Variants in SH3GL3 observed in about 807,000 individuals in gnomAD.
SH3GL3 encodes SH3 domain containing GRB2 like 3, endophilin A3.
Under a neutral mutation model 47.7 loss-of-function variants are expected in SH3GL3, and 33 were observed. The ratio of observed to expected loss-of-function variants is 0.69; its 90% CI spans 0.52 to 0.92. SH3GL3 has a LOEUF of 0.92. Ranked by LOEUF, SH3GL3 falls within the 40% of genes least tolerant of loss-of-function variation. SH3GL3 has a pLI of 0.00. For synonymous variants in SH3GL3, 155 were observed against 148.8 expected (o/e 1.04, Z -0.30); for missense variants, 363 against 417.8 (o/e 0.87, Z 1.14).
chr15:83,611,171 G>A (rs182891403), intron 8 of SH3GL3, among the ~76,000 whole-genome samples: 18 of 151,918 alleles, frequency 1.2e-4, no homozygotes, highest in East Asian at 1.9e-4. Context: ...CAGGGGGGAC[G>A]TGGTTTTCCT....
chr15:83,458,250 A>T (rs2040094900), intron 1 of SH3GL3, among the ~76,000 whole-genome samples: 1 of 152,172 alleles, frequency 6.6e-6, no homozygotes, highest in African/African-American at 2.4e-5. Context: ...TATTGATGAG[A>T]TCAGGGAGGC....
downstream of SH3GL3, among the ~76,000 whole-genome samples, chr15:83,620,722 C>G (rs1555425018): frequency 2.0e-5 from 3 of 152,194 alleles, no homozygotes; most frequent in Non-Finnish European, 4.4e-5. Context: ...TTGGAATGGT[C>G]AGTGCGCATT....
chr15:83,490,163 G>C (rs1266919207), intron 1 of SH3GL3, among the ~76,000 whole-genome samples: 1 of 152,134 alleles, frequency 6.6e-6, no homozygotes, highest in African/African-American at 2.4e-5. Flanking sequence ...GGGCCCCTTA[G>C]GGGTCTCCGC....
intron 1 of SH3GL3, among the ~76,000 whole-genome samples, chr15:83,486,999 C>G (rs2041626660): frequency 6.6e-6 from 1 of 152,166 alleles, no homozygotes; most frequent in African/African-American, 2.4e-5. Flanking sequence ...ATAACCTCCC[C>G]AAAGCCCTGC....
chr15:83,585,384 G>T (rs1388226052), intron 6 of SH3GL3, among the ~76,000 whole-genome samples: 2 of 152,030 alleles, frequency 1.3e-5, no homozygotes, highest in Non-Finnish European at 2.9e-5. Context: ...TATGTTTCAA[G>T]AAATATTAAT....
chr15:83,495,645 G>A (rs2151592539), intron 1 of SH3GL3, among the ~76,000 whole-genome samples: 1 of 152,264 alleles, frequency 6.6e-6, no homozygotes, highest in African/African-American at 2.4e-5. Flanking sequence ...GCTGAGGCAG[G>A]AGAATTGCTT....
intron 1 of SH3GL3, among the ~76,000 whole-genome samples, chr15:83,458,056 G>A (rs117111500): frequency 0.021 from 3,175 of 152,280 alleles, 42 homozygotes; most frequent in Non-Finnish European, 0.035. Flanking sequence ...TGTATTTGGG[G>A]AAGCTATTAC....
At chr15:83,603,581 T>A (rs1199042403) in intron 8 of SH3GL3, among the ~76,000 whole-genome samples, 2 of 152,192 alleles carry the variant, frequency 1.3e-5, no homozygotes, top group East Asian at 3.9e-4. Flanking sequence ...AATCTGCTTA[T>A]CTTGTTTTCT....
At chr15:83,585,914 G>T (rs986231673) in intron 6 of SH3GL3, among the ~76,000 whole-genome samples, 1 of 152,212 alleles carries the variant, frequency 6.6e-6, no homozygotes, top group Non-Finnish European at 1.5e-5. Context: ...AACTACAAAT[G>T]AAAGTAGCTT....
chr15:83,608,384 A>C (rs1278990528), intron 8 of SH3GL3, among the ~76,000 whole-genome samples: 1 of 152,196 alleles, frequency 6.6e-6, no homozygotes, highest in Non-Finnish European at 1.5e-5. Context: ...GCTTCTGTCC[A>C]GTGCGCTCTT....
At chr15:83,546,482 C>T (rs1256473901) in intron 1 of SH3GL3, among the ~76,000 whole-genome samples, 2 of 152,016 alleles carry the variant, frequency 1.3e-5, no homozygotes, top group Non-Finnish European at 2.9e-5. Context: ...GAGCTAAGGC[C>T]TGGAACTGAG....
chr15:83,613,294 G>A (rs2060721063), intron 8 of SH3GL3, among the ~76,000 whole-genome samples: 2 of 152,192 alleles, frequency 1.3e-5, no homozygotes, highest in Non-Finnish European at 2.9e-5. Flanking sequence ...TTTCTACTCA[G>A]TGGTCTCTGG....
In SH3GL3 at chr15:83,447,384, G is replaced by C. The variant is rs906799501; in HGVS notation, c.-150G>C. ...CGCGCGTGTGTGCGAGTGTGACAGCGGCTGTGGCTGTGGCCGTGGCCGTGG... is the reference window on the plus strand; with the variant it reads ...CGCGCGTGTGTGCGAGTGTGACAGCCGCTGTGGCTGTGGCCGTGGCCGTGG... On this transcript the variant is annotated 5_prime_UTR_variant, in exon 1 of 9. Transcript: ENST00000427482. The surrounding 1 kb of genome is among the most constrained non-coding windows in gnomAD (Gnocchi z 5.1). 3 of 435,596 alleles carry C rather than the reference G, an allele frequency of 6.9e-6. No individual in the cohort carries two copies. Among genetic ancestry groups the C allele is most frequent in the Non-Finnish European group, 1.2e-5 (3 of 258,718 alleles). 27.0% of individuals were successfully genotyped at this position (435,596 alleles called of 1,614,324 possible). A position where few individuals can be genotyped will look rare whatever the true frequency, so the allele number is the denominator to read the frequency against.
At chr15:83,564,311 A>G (rs2045432305) in intron 2 of SH3GL3, among the ~76,000 whole-genome samples, 1 of 152,226 alleles carries the variant, frequency 6.6e-6, no homozygotes, top group Non-Finnish European at 1.5e-5. Flanking sequence ...AAGAATGCAT[A>G]TCTTTACAAA....
At chr15:83,621,442 A>C (rs2060915340), downstream of SH3GL3, among the ~76,000 whole-genome samples, 1 of 152,194 alleles carries the variant, frequency 6.6e-6, no homozygotes, top group African/African-American at 2.4e-5. Context: ...GGGAATGGCC[A>C]GGCAGTGGAG....
the SH3GL3 span, among the ~76,000 whole-genome samples, chr15:83,626,558 T>C: frequency 6.6e-6 from 1 of 152,190 alleles, no homozygotes; most frequent in Non-Finnish European, 1.5e-5. Flanking sequence ...AATAAGATGA[T>C]ATTTTGGTTT....
At chr15:83,510,880 G>A (rs370167281) in intron 1 of SH3GL3, among the ~76,000 whole-genome samples, 1 of 151,516 alleles carries the variant, frequency 6.6e-6, no homozygotes, top group African/African-American at 2.4e-5. Context: ...TATGGCATTC[G>A]GGCTTTCCCA....
chr15:83,481,229 C>G (rs1156855091), intron 1 of SH3GL3, among the ~76,000 whole-genome samples: 2 of 149,628 alleles, frequency 1.3e-5, no homozygotes, highest in African/African-American at 4.9e-5. Flanking sequence ...GAGCCGAGAT[C>G]CTGCCACTGC....
intron 1 of SH3GL3, among the ~76,000 whole-genome samples, chr15:83,460,026 C>G (rs1159897216): frequency 4.2e-5 from 1 of 23,898 alleles, no homozygotes; most frequent in Non-Finnish European, 6.6e-5. Context: ...GTCCCCTCCC[C>G]TCCCTCCCTC....
Sources: allele counts gnomAD v4.1 joint callset (sites outside exome capture counted in the v4.1 genomes callset), GRCh38; gene constraint gnomAD v4.1.1; non-coding constraint Gnocchi (gnomAD v3.1); transcripts MANE v1.5; gene names NCBI Gene and HGNC (gene_info 2026-07-23, HGNC 2026-07-21).